NT5DC1: variants seen among roughly 807,000 people sequenced by gnomAD.
NT5DC1 encodes the protein 5'-nucleotidase domain containing 1, also known as 5'-nucleotidase domain-containing protein 1.
A neutral mutation model predicts 59.4 loss-of-function variants in NT5DC1; 42 were observed. The observed-to-expected ratio is 0.71, with a 90% confidence interval of 0.55 to 0.92. The LOEUF (loss-of-function observed/expected upper bound fraction) is 0.92. NT5DC1 is among the 40% of genes least tolerant of loss of function. The pLI, the probability that NT5DC1 is intolerant of heterozygous loss-of-function variation, is 0.00. For synonymous variants in NT5DC1, 172 were observed against 188.1 expected, an observed-to-expected ratio of 0.91 and a Z score of 0.70; for missense variants, 501 against 537.1, an observed-to-expected ratio of 0.93 and a Z score of 0.66.
At chr6:116,145,446 T>C (rs112522168) in intron 6 of NT5DC1, 11 of 387,400 alleles carry the variant, frequency 2.8e-5, no homozygotes, top group African/African-American at 1.2e-4. Flanking sequence ...AGTAAGAAGA[T>C]TGGCCACATC....
At chr6:116,228,694 T>C (rs531047247) in intron 8 of NT5DC1, among the ~76,000 whole-genome samples, 48 of 152,314 alleles carry the variant, frequency 3.2e-4, no homozygotes, top group Admixed American at 1.1e-3. Flanking sequence ...GCGAGAACTA[T>C]TACTAATTAC....
At chr6:116,127,109 T>C (rs1398394638) in intron 6 of NT5DC1, among the ~76,000 whole-genome samples, 1 of 152,174 alleles carries the variant, frequency 6.6e-6, no homozygotes, top group Non-Finnish European at 1.5e-5. Flanking sequence ...GGTGAACTGG[T>C]TGAGGAGGAC....
intron 6 of NT5DC1, chr6:116,119,535 G>C (rs1275817363): frequency 6.5e-6 from 1 of 154,432 alleles, no homozygotes; most frequent in Admixed American, 6.4e-5. Context: ...GGCCATACAG[G>C]CCTCAGAGTA....
At position 116,121,761 on chromosome 6, in the gene NT5DC1, CTCCTGGTTT is replaced by C. The variant is rs752309759; in HGVS notation, c.529+3823_529+3831del. On this transcript the variant is annotated intron_variant, in intron 6 of 11. Transcript: ENST00000319550. ...CCTTTTGGTCCATATGGTCCTCTCT[CTCCTGGTTT>C]TCCTGGGAGTCCTGGCACACCTGGT... 3 of 1,613,922 alleles carry C rather than the reference CTCCTGGTTT, an allele frequency of 1.9e-6. No homozygotes were observed. In the African/African-American group the frequency reaches 4.0e-5, roughly 22 times the overall value.
intron 6 of NT5DC1, among the ~76,000 whole-genome samples, chr6:116,140,282 C>T (rs1207225581): frequency 1.3e-5 from 2 of 152,116 alleles, no homozygotes; most frequent in African/African-American, 2.4e-5. Context: ...GCTGAAATGC[C>T]GTGGTAGCAG....
rs759959666 is a variant in NT5DC1, at chr6:116,117,944, G to A, written c.528G>A (p.Lys176=). 35 of 1,497,124 alleles carry A rather than the reference G, an allele frequency of 2.3e-5. No individual in the cohort carries two copies. The East Asian group carries it at 2.5e-4, about 11-fold the overall frequency. 92.7% of individuals were successfully genotyped at this position (1,497,124 alleles called of 1,614,324 possible). A position where few individuals can be genotyped will look rare whatever the true frequency, so the allele number is the denominator to read the frequency against. The change falls in exon 6 of 12, where the codon AAG becomes AAA. Residue 176 remains lysine, a splice_region_variant and synonymous_variant. Transcript: ENST00000319550. ...ACAATTATAAAATGTCAGCTTTTAA[G>A]GGTAAGTATTGTGAAGAGGGGCCTT... is the stretch of plus-strand genomic sequence containing the variant. The part of the protein sequence containing the change: ...IQHNYKMSAF[K]ENCGIYFPEI...
chr6:116,114,922 C>T (rs571877292), intron 4 of NT5DC1, among the ~76,000 whole-genome samples: 4 of 152,272 alleles, frequency 2.6e-5, no homozygotes, highest in South Asian at 2.1e-4. Flanking sequence ...GAAAGAGAAT[C>T]GACACAGTTT....
chr6:116,142,759 C>G (rs977953388), intron 6 of NT5DC1, among the ~76,000 whole-genome samples: 2 of 152,094 alleles, frequency 1.3e-5, no homozygotes, highest in African/African-American at 4.8e-5. Context: ...TTTCTTGTTT[C>G]TTTTTGTTTC....
At chr6:116,222,342 C>T (rs1781823916) in intron 7 of NT5DC1, among the ~76,000 whole-genome samples, 1 of 152,126 alleles carries the variant, frequency 6.6e-6, no homozygotes, top group Admixed American at 6.5e-5. Flanking sequence ...CTTTCTTCAT[C>T]TTAATTTCTA....
At chr6:116,200,020 G>A (rs965348580) in intron 6 of NT5DC1, among the ~76,000 whole-genome samples, 2 of 150,226 alleles carry the variant, frequency 1.3e-5, no homozygotes, top group African/African-American at 5.0e-5. Context: ...GAGTAACTTT[G>A]CAGTGGGGCA....
At chr6:116,200,279 G>A (rs140836041) in intron 6 of NT5DC1, among the ~76,000 whole-genome samples, 65 of 152,024 alleles carry the variant, frequency 4.3e-4, no homozygotes, top group African/African-American at 1.5e-3. Context: ...ACTATGTCAC[G>A]GTCAAGAGTA....
chr6:116,240,671 G>T (rs1294960045), intron 11 of NT5DC1, among the ~76,000 whole-genome samples: 3 of 152,148 alleles, frequency 2.0e-5, no homozygotes, highest in Non-Finnish European at 4.4e-5. Flanking sequence ...AAATGCCAAA[G>T]ATAATTAAAT....
At chr6:116,152,541 G>C (rs1236318766) in intron 6 of NT5DC1, among the ~76,000 whole-genome samples, 2 of 152,156 alleles carry the variant, frequency 1.3e-5, no homozygotes, top group Admixed American at 6.5e-5. Flanking sequence ...TGACTCCTGT[G>C]TACTGGATTT....
intron 6 of NT5DC1, among the ~76,000 whole-genome samples, chr6:116,178,106 C>T (rs1474810): frequency 0.18 from 23,456 of 130,728 alleles, 2,039 homozygotes; most frequent in East Asian, 0.25. Flanking sequence ...CGCGCGCGTG[C>T]GTGCGTGTGT....
rs189309747 is a variant in NT5DC1 at position 116,240,841 on chromosome 6, A to G, written c.1252+1718A>G. On this transcript the variant is annotated intron_variant, in intron 11 of 11. Transcript: ENST00000319550. ...AATTATATACCCAGTTAAACATTGT[A>G]AAGAATAAAAGTAAAATATTGGCCG... Among the ~76,000 whole-genome samples the G allele has an allele frequency of 9.3e-4, 142 of 152,324 alleles. 1 individual carries two copies. Among genetic ancestry groups the G allele is most frequent in the Middle Eastern group, 3.4e-3 (1 of 294 alleles).
chr6:116,121,861 G>A lies in NT5DC1; in HGVS notation c.529+3916G>A, dbSNP rs200461378. On this transcript the variant is annotated intron_variant, in intron 6 of 11. Transcript: ENST00000319550. ...GCTCTCCTTGGAGTCCAGGACTTCC[G>A]TAGCCTGGTTTTCCTGGTGGTCCAG... The A allele has an allele frequency of 2.0e-5, 33 of 1,613,904 alleles. No homozygotes were observed. Among genetic ancestry groups the A allele is most frequent in the African/African-American group, 1.1e-4 (8 of 74,984 alleles).
At chr6:116,203,782 T>C (rs1398176504) in intron 6 of NT5DC1, among the ~76,000 whole-genome samples, 14 of 151,928 alleles carry the variant, frequency 9.2e-5, no homozygotes, top group Non-Finnish European at 1.8e-4. Context: ...AGTTCAGTTT[T>C]AGTAGGAACT....
intron 3 of NT5DC1, among the ~76,000 whole-genome samples, chr6:116,110,426 G>A (rs1778851810): frequency 1.3e-5 from 2 of 152,130 alleles, no homozygotes; most frequent in Admixed American, 1.3e-4. Context: ...TGCTTCCTGT[G>A]CCTCCTATGG....
chr6:116,157,682 A>T (rs149315460), intron 6 of NT5DC1, among the ~76,000 whole-genome samples: 13 of 152,266 alleles, frequency 8.5e-5, no homozygotes, highest in Admixed American at 7.8e-4. Context: ...CTCATTTTTT[A>T]ACAAAACAGA....
Sources: allele counts gnomAD v4.1 joint callset (sites outside exome capture counted in the v4.1 genomes callset), GRCh38; gene constraint gnomAD v4.1.1; transcripts MANE v1.5; gene names NCBI Gene and HGNC (gene_info 2026-07-23, HGNC 2026-07-21).